VAMP4: variants seen among roughly 807,000 people sequenced by gnomAD.
VAMP4 encodes vesicle associated membrane protein 4, also known as vesicle-associated membrane protein 4.
Under a neutral mutation model 23.5 loss-of-function variants are expected in VAMP4, and 19 were observed. That is an observed-to-expected ratio of 0.81 (90% CI 0.56 to 1.19). The LOEUF (loss-of-function observed/expected upper bound fraction) is 1.19. VAMP4 is among the 50% of genes most tolerant of loss of function. The pLI, the probability that VAMP4 is intolerant of heterozygous loss-of-function variation, is 0.00. For synonymous variants in VAMP4, 31 were observed against 51.0 expected (o/e 0.61, Z 1.67); for missense variants, 145 against 168.6 (o/e 0.86, Z 0.78).
At chr1:171,732,910 T>A (rs1199280406) in intron 2 of VAMP4, among the ~76,000 whole-genome samples, 1 of 152,046 alleles carries the variant, frequency 6.6e-6, no homozygotes, top group East Asian at 1.9e-4. Flanking sequence ...ATCTGCAGTA[T>A]CCTTTAAGAC....
chr1:171,730,021 G>A (rs1449010545), intron 2 of VAMP4, among the ~76,000 whole-genome samples: 4 of 152,072 alleles, frequency 2.6e-5, no homozygotes, highest in African/African-American at 9.7e-5. Context: ...CACAGGAAGG[G>A]GTATGAGCCT....
chr1:171,701,597 C>G lies in VAMP4; in HGVS notation c.*2909G>C, dbSNP rs1654435036. ...TCAAAAGTGCTGAAGTTATAATTTC[C>G]TAATACAGACTATTGAAATGCACAG... On this transcript the variant is annotated 3_prime_UTR_variant, in exon 8 of 8. Transcript: ENST00000236192. The G allele has an allele frequency of 6.6e-6, 1 of 152,088 alleles. No homozygotes were observed. Among genetic ancestry groups the G allele is most frequent in the Non-Finnish European group, 1.5e-5 (1 of 67,978 alleles). The allele number at this position is 152,088 out of a possible 1,614,324, so 9.4% of individuals were successfully genotyped here.
intron 4 of VAMP4, among the ~76,000 whole-genome samples, chr1:171,712,273 C>T (rs1301878845): frequency 2.0e-5 from 3 of 151,982 alleles, no homozygotes; most frequent in Admixed American, 6.6e-5. Context: ...ATATGGTCTC[C>T]GCCCTCTACC....
chr1:171,724,137 G>A (rs561830177), intron 3 of VAMP4, among the ~76,000 whole-genome samples: 110 of 152,124 alleles, frequency 7.2e-4, no homozygotes, highest in African/African-American at 2.5e-3. Flanking sequence ...GGAATACTAC[G>A]CAGCCATAAA....
intron 6 of VAMP4, 81 bp downstream of exon 6, chr1:171,709,584 C>T (rs1654777588): frequency 1.4e-5 from 19 of 1,319,126 alleles, no homozygotes; most frequent in Non-Finnish European, 1.7e-5. Flanking sequence ...AGGTTATGCT[C>T]TAGAGGCCCT....
intron 6 of VAMP4, among the ~76,000 whole-genome samples, chr1:171,707,446 C>T (rs143508183): frequency 2.0e-5 from 3 of 152,258 alleles, no homozygotes; most frequent in Non-Finnish European, 4.4e-5. Flanking sequence ...TCCAACTGCA[C>T]GACATCCCCC....
chr1:171,706,305 G>A (rs781191055), intron 7 of VAMP4, 62 bp downstream of exon 7: 12 of 1,486,866 alleles, frequency 8.1e-6, no homozygotes, highest in African/African-American at 1.4e-5. Flanking sequence ...AAATAAAAGG[G>A]AATTAAAATG....
In VAMP4 at chr1:171,709,760, G is replaced by A; in HGVS notation, c.266-16C>T. ...GATAAGCTTTCTATATCACATAGAGGATGGAGAGAAGGATTAAACGACATA... is the reference window on the plus strand; with the variant it reads ...GATAAGCTTTCTATATCACATAGAGAATGGAGAGAAGGATTAAACGACATA... On this transcript the variant is annotated splice_polypyrimidine_tract_variant and intron_variant, in intron 5 of 7. Coordinates refer to ENST00000236192, the MANE Select transcript of VAMP4 (RefSeq NM_003762.5). 6.3e-7 allele frequency: 1 copy of A among 1,591,802 alleles called. No individual in the cohort carries two copies. Among genetic ancestry groups the A allele is most frequent in the African/African-American group, 1.3e-5 (1 of 74,506 alleles).
intron 6 of VAMP4, among the ~76,000 whole-genome samples, chr1:171,708,876 GAAAAAAAAA>G (rs75439179): frequency 0.011 from 921 of 84,234 alleles, 9 homozygotes; most frequent in African/African-American, 0.035. Context: ...CTATCTCAAA[GAAAAAAAAA>G]AAAAAAAAAA....
chr1:171,728,534 C>T lies in VAMP4; in HGVS notation c.103G>A (p.Asp35Asn). 1 of 1,543,066 alleles carries T rather than the reference C, an allele frequency of 6.5e-7. No homozygotes were observed. Among genetic ancestry groups the T allele is most frequent in the African/African-American group, 1.4e-5 (1 of 71,698 alleles). The change falls in exon 3 of 8, where the codon GAC becomes AAC. Residue 35 changes from aspartate (D) to asparagine (N), a missense_variant. Transcript: ENST00000236192. The stretch of plus-strand genomic sequence containing the variant: ...TAAAAAAAAACTTACAGAAAAAAGT[C>T]CTCTTCTTCATCTGAATCATCTTCC... ...LLEDDSDEEE[D>N]FFLRGPSGPR...
intron 7 of VAMP4, 83 bp downstream of exon 7, chr1:171,706,284 A>C: frequency 7.7e-7 from 1 of 1,302,056 alleles, no homozygotes; most frequent in Non-Finnish European, 1.1e-6. Context: ...CAGACATACT[A>C]GGTCAACTGA....
At chr1:171,710,903 CA>C in intron 4 of VAMP4, 89 bp from the exon 5 acceptor site, 1 of 892,076 alleles carries the variant, frequency 1.1e-6, no homozygotes, top group Non-Finnish European at 1.7e-6. Flanking sequence ...TAAAGAATAG[CA>C]AATTCTCAGA....
intron 3 of VAMP4, among the ~76,000 whole-genome samples, chr1:171,727,068 C>CA (rs1200864996): frequency 1.3e-5 from 2 of 151,462 alleles, no homozygotes; most frequent in Non-Finnish European, 2.9e-5. Context: ...CTCATCTCTG[C>CA]AAAATATAAA....
chr1:171,715,457 A>C lies in VAMP4; in HGVS notation c.164+3714T>G, dbSNP rs183224795. Among the ~76,000 whole-genome samples, 60 of 152,298 alleles carry C rather than the reference A, an allele frequency of 3.9e-4. No homozygotes were observed. In the Middle Eastern group the frequency reaches 0.01, roughly 26 times the overall value. ...AGCCCCTGGGTTCTGTATTCAGACAAACCTGGGTTTGCAATACAACTTTAT... is the reference window on the plus strand; with the variant it reads ...AGCCCCTGGGTTCTGTATTCAGACACACCTGGGTTTGCAATACAACTTTAT... On this transcript the variant is annotated intron_variant, in intron 4 of 7. Transcript: ENST00000236192.
chr1:171,716,203 C>T (rs540580518), intron 4 of VAMP4, among the ~76,000 whole-genome samples: 1 of 152,078 alleles, frequency 6.6e-6, no homozygotes, highest in East Asian at 1.9e-4. Flanking sequence ...TTAAGCTGGT[C>T]TGACCAAGAC....
At chr1:171,722,845 T>TG (rs61481337) in intron 3 of VAMP4, among the ~76,000 whole-genome samples, 53,209 of 151,836 alleles carry the variant, frequency 0.35, 9,760 homozygotes, top group African/African-American at 0.47. Flanking sequence ...GAAGTCAGTG[T>TG]GCGATTCCTC....
At position 171,728,556 on chromosome 1, in the gene VAMP4, T is replaced by G. The variant is rs1655449235; in HGVS notation, c.81A>C (p.Glu27Asp). The G allele has an allele frequency of 6.4e-7, 1 of 1,553,870 alleles. No individual in the cohort carries two copies. Among genetic ancestry groups the G allele is most frequent in the Non-Finnish European group, 8.7e-7 (1 of 1,151,742 alleles). Residue 27 changes from glutamate to aspartate, a missense_variant, in exon 3 of 8, where the codon GAA (glutamate) becomes GAC (aspartate). Physicochemically the swap from Glu to Asp is conservative, Grantham distance 45. Transcript: ENST00000236192. ...AGTCCTCTTCTTCATCTGAATCATC[T>G]TCCAAAAGATTTCTCTGTCAAAAAA... Reference protein sequence around the residue: ...SVKSERRNLLEDDSDEEEDFF... With the variant: ...SVKSERRNLLDDDSDEEEDFF...
chr1:171,740,756 C>T (rs1381751802), intron 1 of VAMP4, among the ~76,000 whole-genome samples: 1 of 152,186 alleles, frequency 6.6e-6, no homozygotes, highest in Non-Finnish European at 1.5e-5. Context: ...CTCAACATCC[C>T]AAAGCAAACA....
intron 2 of VAMP4, among the ~76,000 whole-genome samples, chr1:171,736,531 T>C (rs1655746431): frequency 6.6e-6 from 1 of 152,112 alleles, no homozygotes; most frequent in Non-Finnish European, 1.5e-5. Context: ...CAGTTGAAAT[T>C]ATGGCAAAGA....
Sources: gnomAD v4.1 joint callset for allele counts (sites outside exome capture counted in the v4.1 genomes callset) on GRCh38, gnomAD v4.1.1 for gene constraint, MANE v1.5 for transcripts, NCBI Gene and HGNC (gene_info 2026-07-23, HGNC 2026-07-21) for gene names.